Variants in OR10AG1 observed in about 807,000 individuals in gnomAD.
OR10AG1 encodes the protein olfactory receptor family 10 subfamily AG member 1, also known as olfactory receptor 10AG1.
For missense variants in OR10AG1, 433 were observed against 376.5 expected (o/e 1.15, Z -1.24); for synonymous variants, 147 against 128.6 (o/e 1.14, Z -0.97).
At position 55,968,352 on chromosome 11, in the gene OR10AG1, G is replaced by A; in HGVS notation, c.172C>T (p.Leu58=). Residue 58 remains leucine, a synonymous_variant, in exon 2 of 2, where the codon CTA becomes TTA. Coordinates refer to ENST00000641071, the MANE Select transcript of OR10AG1 (RefSeq NM_001005491.2). ...AGAGCGGGGTGAATTTTTATTAGTA[G>A]TATTATGATGCCATTGCACATCAGG... is the stretch of plus-strand genomic sequence containing the variant. ...MILMCNGIII[L]LIKIHPALQT... The A allele has an allele frequency of 6.2e-7, 1 of 1,610,262 alleles. No individual in the cohort carries two copies.
chr11:55,967,575 C>T lies in OR10AG1; in HGVS notation c.949G>A (p.Ala317Thr), dbSNP rs1487371954. ...DIMVALRKLL[A>T]KLLT is the part of the protein sequence containing the mutation. ...TCTTCATCTCATGTTAATAACTTAG[C>T]TAGTAATTTTCTCAATGCCACCATG... The change falls in exon 2 of 2, where the codon GCT becomes ACT. Residue 317 changes from alanine to threonine, a missense_variant. Coordinates refer to ENST00000641071, the MANE Select transcript of OR10AG1 (RefSeq NM_001005491.2). 2 of 1,581,960 alleles carry T rather than the reference C, an allele frequency of 1.3e-6. No homozygotes were observed. The highest frequency in any genetic ancestry group is 3.6e-5 in the Admixed American group (2 of 56,286).
At chr11:55,968,905 T>G (rs7114535) in intron 1 of OR10AG1, among the ~76,000 whole-genome samples, 9,147 of 152,162 alleles carry the variant, frequency 0.06, 379 homozygotes, top group Non-Finnish European at 0.084. Context: ...ATGTTGCCCT[T>G]GAATATTACG....
At chr11:55,969,444 C>T (rs1411116013) in intron 1 of OR10AG1, among the ~76,000 whole-genome samples, 1 of 152,038 alleles carries the variant, frequency 6.6e-6, no homozygotes. Flanking sequence ...TCAATGTCAT[C>T]CAATATGAGG....
chr11:55,968,542 T>C (rs960400882), intron 1 of OR10AG1, 35 bp from the exon 2 acceptor site: 2 of 902,124 alleles, frequency 2.2e-6, no homozygotes, highest in Non-Finnish European at 3.4e-6. Flanking sequence ...AGTTAATTCA[T>C]CCATATTTTG....
chr11:55,969,490 A>G (rs977998870), intron 1 of OR10AG1, among the ~76,000 whole-genome samples: 2 of 152,148 alleles, frequency 1.3e-5, no homozygotes, highest in African/African-American at 4.8e-5. Flanking sequence ...ACACTTGCTT[A>G]ACGTTTGTTC....
Position 55,967,877 on chromosome 11 carries a change from AC to A in OR10AG1, c.646del (p.Val216CysfsTer9). ...CAACAGAAATGGCACCGTGATAAAC[AC>A]CACCGCTACTACATGGACTGTTATC... is the stretch of plus-strand genomic sequence containing the variant. ...NEITVHVVAV[V>X]FITVPFLLIV... is the part of the protein sequence containing the mutation. On this transcript the variant is annotated frameshift_variant, in exon 2 of 2. Coordinates refer to ENST00000641071, the MANE Select transcript of OR10AG1 (RefSeq NM_001005491.2). LOFTEE classifies it low-confidence loss of function (END_TRUNC). The A allele has an allele frequency of 6.2e-7, 1 of 1,614,094 alleles. No homozygotes were observed. Among genetic ancestry groups the A allele is most frequent in the Non-Finnish European group, 8.5e-7 (1 of 1,179,982 alleles).
In OR10AG1 at chr11:55,966,899, G is replaced by A. The variant is rs1295258476; in HGVS notation, c.*659C>T. On this transcript the variant is annotated 3_prime_UTR_variant, in exon 2 of 2. Coordinates refer to ENST00000641071, the MANE Select transcript of OR10AG1 (RefSeq NM_001005491.2). Reference sequence around the variant, plus strand: ...TTCTAGTTGGAGATTTCTATTTTGAGGGTCCAACATTCAACCCAACACACA... The same window carrying A: ...TTCTAGTTGGAGATTTCTATTTTGAAGGTCCAACATTCAACCCAACACACA... The A allele has an allele frequency of 2.0e-5, 3 of 151,966 alleles. No homozygotes were observed. Among genetic ancestry groups the A allele is most frequent in the Admixed American group, 2.0e-4 (3 of 15,250 alleles). 9.4% of individuals were successfully genotyped at this position (151,966 alleles called of 1,614,324 possible). A position where few individuals can be genotyped will look rare whatever the true frequency, so the allele number is the denominator to read the frequency against.
rs1443609072 is a variant in OR10AG1 at position 55,967,494 on chromosome 11, A to AC, written c.*63_*64insG. 9.6e-7 allele frequency: 1 copy of AC among 1,044,922 alleles called. No homozygotes were observed. Among genetic ancestry groups the AC allele is most frequent in the African/African-American group, 1.6e-5 (1 of 62,350 alleles). The allele number at this position is 1,044,922 out of a possible 1,614,324, so 64.7% of individuals were successfully genotyped here. On this transcript the variant is annotated 3_prime_UTR_variant, in exon 2 of 2. Coordinates refer to ENST00000641071, the MANE Select transcript of OR10AG1 (RefSeq NM_001005491.2). ...ATACCATAGGGACAAAGTTAAAAAAAAATTCACTGAAGCCACATGACAAAC... is the reference window on the plus strand; with the variant it reads ...ATACCATAGGGACAAAGTTAAAAAAACAATTCACTGAAGCCACATGACAAAC...
At position 55,969,872 on chromosome 11, in the gene OR10AG1, T is replaced by C. The variant is rs866964676; in HGVS notation, c.16+20A>G. ...AACTATTCTTAAATAAAATAGTCTGTCAACCCAATTATGGCTTACCTTTAG... is the reference window on the plus strand; with the variant it reads ...AACTATTCTTAAATAAAATAGTCTGCCAACCCAATTATGGCTTACCTTTAG... On this transcript the variant is annotated intron_variant, in intron 1 of 1. Transcript: ENST00000641071. 1.3e-4 allele frequency: 50 copies of C among 398,348 alleles called. No homozygotes were observed. The Middle Eastern group carries it at 2.5e-3, about 20-fold the overall frequency. 24.7% of individuals were successfully genotyped at this position (398,348 alleles called of 1,614,324 possible).
chr11:55,968,649 T>C (rs140325262), intron 1 of OR10AG1, 142 bp from the exon 2 acceptor site: 78 of 471,280 alleles, frequency 1.7e-4, no homozygotes, highest in African/African-American at 1.5e-3. Flanking sequence ...TGTTTCTAGA[T>C]AATAAACTGA....
rs370575346 is a variant in OR10AG1, at chr11:55,968,473, C to A, written c.51G>T (p.Val17=). 1.3e-6 allele frequency: 2 copies of A among 1,520,848 alleles called. No homozygotes were observed. Among genetic ancestry groups the A allele is most frequent in the Non-Finnish European group, 1.8e-6 (2 of 1,130,650 alleles). The allele number at this position is 1,520,848 out of a possible 1,614,324, so 94.2% of individuals were successfully genotyped here. Residue 17 remains valine, a synonymous_variant, in exon 2 of 2, where the codon GTG becomes GTT. Coordinates refer to ENST00000641071, the MANE Select transcript of OR10AG1 (RefSeq NM_001005491.2). ...GEQTKREKSN[V]TTIMEFVLLG... ...AAAGAACAAATTCCATTATTGTAGT[C>A]ACATTTGATTTTTCTCTTTTAGTTT... is the stretch of plus-strand genomic sequence containing the variant.
rs1852712872 is a variant in OR10AG1 at position 55,968,391 on chromosome 11, T to A, written c.133A>T (p.Met45Leu). The A allele has an allele frequency of 6.2e-7, 1 of 1,602,354 alleles. No individual in the cohort carries two copies. Among genetic ancestry groups the A allele is most frequent in the Non-Finnish European group, 8.5e-7 (1 of 1,172,436 alleles). Reference protein sequence around the residue: ...HWMLFSIFLLMYLMILMCNGI... With the variant: ...HWMLFSIFLLLYLMILMCNGI... ...TTGCACATCAGGATCATCAAATACA[T>A]AAGTAAAAATATACTAAAAAGCATC... Residue 45 changes from methionine (M) to leucine (L), a missense_variant, in exon 2 of 2, where the codon ATG (methionine) becomes TTG (leucine). Transcript: ENST00000641071.
In OR10AG1 at chr11:55,968,304, G is replaced by GA; in HGVS notation, c.219dup (p.Leu74SerfsTer2). 3.7e-6 allele frequency: 6 copies of GA among 1,613,448 alleles called. No homozygotes were observed. The highest frequency in any genetic ancestry group is 4.5e-5 in the East Asian group (2 of 44,862). On this transcript the variant is annotated frameshift_variant, in exon 2 of 2. Coordinates refer to ENST00000641071, the MANE Select transcript of OR10AG1 (RefSeq NM_001005491.2). LOFTEE classifies it low-confidence loss of function (END_TRUNC). ...ATTTCCAAAAGGGAAAAATTGCTAAGAAAAAAATACATGGGAGTCTGGAGA... is the reference window on the plus strand; with the variant it reads ...ATTTCCAAAAGGGAAAAATTGCTAAGAAAAAAAATACATGGGAGTCTGGAGA...
Position 55,968,331 on chromosome 11 carries a change from C to T in OR10AG1, c.193G>A (p.Ala65Thr), listed in dbSNP as rs139897319. ...IIILLIKIHPALQTPMYFFLS... is the reference protein window; with the variant it reads ...IIILLIKIHPTLQTPMYFFLS... ...AAAAAATACATGGGAGTCTGGAGAG[C>T]GGGGTGAATTTTTATTAGTAGTATT... Residue 65 changes from alanine to threonine, a missense_variant, in exon 2 of 2, where the codon GCT becomes ACT. Coordinates refer to ENST00000641071, the MANE Select transcript of OR10AG1 (RefSeq NM_001005491.2). 546 of 1,612,940 alleles carry T rather than the reference C, an allele frequency of 3.4e-4. 8 individuals are homozygous for T. The African/African-American group carries it at 6.1e-3, about 18-fold the overall frequency.
Position 55,967,616 on chromosome 11 carries a change from A to G in OR10AG1, c.908T>C (p.Leu303Pro), listed in dbSNP as rs777667275. Residue 303 changes from leucine to proline, a missense_variant, in exon 2 of 2, where the codon CTG (leucine) becomes CCG (proline). Leu to Pro is a moderately conservative substitution (Grantham distance 98). Transcript: ENST00000641071. ...TGCCACCATGATATCTTTGTTCCTCAGGGTATATATAATAGGATTCAAAGT... is the reference window on the plus strand; with the variant it reads ...TGCCACCATGATATCTTTGTTCCTCGGGGTATATATAATAGGATTCAAAGT... ...IPTLNPIIYT[L>P]RNKDIMVALR... 6.2e-7 allele frequency: 1 copy of G among 1,609,134 alleles called. No homozygotes were observed.
rs1002592960 is a variant in OR10AG1, at chr11:55,967,569, A to G, written c.955T>C (p.Leu319=). 6.3e-7 allele frequency: 1 copy of G among 1,575,578 alleles called. No individual in the cohort carries two copies. The highest frequency in any genetic ancestry group is 1.4e-5 in the African/African-American group (1 of 73,332). Residue 319 remains leucine (L), a synonymous_variant, in exon 2 of 2, where the codon TTA becomes CTA. Transcript: ENST00000641071. ...MVALRKLLAK[L]LT is the part of the protein sequence containing the mutation. ...TTCAAGTCTTCATCTCATGTTAATA[A>G]CTTAGCTAGTAATTTTCTCAATGCC... is the stretch of plus-strand genomic sequence containing the variant.
rs1198114800 is a variant in OR10AG1 at position 55,966,978 on chromosome 11, G to C, written c.*580C>G. Reference sequence around the variant, plus strand: ...AAATATTAACAAAGCAAGACCTGAAGCTACAAGGAAAGAAAATATGTTATC... The same window carrying C: ...AAATATTAACAAAGCAAGACCTGAACCTACAAGGAAAGAAAATATGTTATC... On this transcript the variant is annotated 3_prime_UTR_variant, in exon 2 of 2. Coordinates refer to ENST00000641071, the MANE Select transcript of OR10AG1 (RefSeq NM_001005491.2). 1.3e-5 allele frequency: 2 copies of C among 152,160 alleles called. No homozygotes were observed. The highest frequency in any genetic ancestry group is 6.5e-5 in the Admixed American group (1 of 15,272). 9.4% of individuals were successfully genotyped at this position (152,160 alleles called of 1,614,324 possible).
Position 55,968,180 on chromosome 11 carries a change from A to G in OR10AG1, c.344T>C (p.Phe115Ser). 1 of 1,613,362 alleles carries G rather than the reference A, an allele frequency of 6.2e-7. No individual in the cohort carries two copies. The highest frequency in any genetic ancestry group is 8.5e-7 in the Non-Finnish European group (1 of 1,179,996). ...ACACTCCGTGCCTCCAAGCATAAGA[A>G]AAAAACACATTTGTGTAGCACAAGC... ...LFACATQMCF[F>S]LMLGGTECLL... Residue 115 changes from phenylalanine (F) to serine (S), a missense_variant, in exon 2 of 2, where the codon TTT becomes TCT. By Grantham distance (155) the Phe-to-Ser change is radical. Transcript: ENST00000641071.
At position 55,968,346 on chromosome 11, in the gene OR10AG1, TTAG is replaced by T. The variant is rs750980814; in HGVS notation, c.175_177del (p.Leu59del). On this transcript the variant is annotated inframe_deletion, in exon 2 of 2. Coordinates refer to ENST00000641071, the MANE Select transcript of OR10AG1 (RefSeq NM_001005491.2). ...GTCTGGAGAGCGGGGTGAATTTTTA[TTAG>T]TAGTATTATGATGCCATTGCACATC... 9 of 1,612,058 alleles carry T rather than the reference TTAG, an allele frequency of 5.6e-6. No individual in the cohort carries two copies. Among genetic ancestry groups the T allele is most frequent in the Non-Finnish European group, 7.6e-6 (9 of 1,178,218 alleles).
Sources: gnomAD v4.1 joint callset for allele counts (sites outside exome capture counted in the v4.1 genomes callset) on GRCh38, gnomAD v4.1.1 for gene constraint, MANE v1.5 for transcripts, NCBI Gene and HGNC (gene_info 2026-07-23, HGNC 2026-07-21) for gene names.